Variants in MYBBP1A observed in about 807,000 individuals in gnomAD.
MYBBP1A encodes the protein myb-binding protein 1A.
Under a neutral mutation model 136.3 loss-of-function variants are expected in MYBBP1A, and 147 were observed. That is an observed-to-expected ratio of 1.08 (90% CI 0.94 to 1.24). MYBBP1A has a LOEUF of 1.24. MYBBP1A is among the 50% of genes most tolerant of loss of function. The pLI, the probability that MYBBP1A is intolerant of heterozygous loss-of-function variation, is 0.00. For synonymous variants in MYBBP1A, 947 were observed against 735.8 expected (o/e 1.29, Z -4.65); for missense variants, 2,060 against 1,727.4 (o/e 1.19, Z -3.41).
In MYBBP1A at chr17:4,552,004, G is replaced by A. The variant is rs201631635; in HGVS notation, c.906-7C>T. 1.2e-6 allele frequency: 2 copies of A among 1,606,730 alleles called. No homozygotes were observed. Among genetic ancestry groups the A allele is most frequent in the South Asian group, 1.1e-5 (1 of 90,406 alleles). On this transcript the variant is annotated splice_polypyrimidine_tract_variant and splice_region_variant and intron_variant, in intron 7 of 25. Transcript: ENST00000254718. This position sits in a 1 kb window ranked among gnomAD's most constrained non-coding sequence, Gnocchi z 4.7. ...CAGGCGGAAACACAGGTAGCTAAAG[G>A]GGGTGCAGGACAGAGCCTGGTCAGA...
chr17:4,552,601 A>T lies in MYBBP1A; in HGVS notation c.587T>A (p.Ile196Asn), dbSNP rs767362777. 1.2e-6 allele frequency: 2 copies of T among 1,613,608 alleles called. No individual in the cohort carries two copies. The highest frequency in any genetic ancestry group is 1.7e-6 in the Non-Finnish European group (2 of 1,179,900). ...SEVSKATLQE[I>N]LPEVLKADLN... ...GTCGGCTTTGAGGACCTCCGGCAGG[A>T]TCTCCTGCAATGTGGCCTTCGAGAC... The change falls in exon 6 of 26, where the codon ATC becomes AAC. Residue 196 changes from isoleucine (I) to asparagine (N), a missense_variant. Ile to Asn is a moderately radical substitution (Grantham distance 149). Transcript: ENST00000254718. The surrounding 1 kb of genome is among the most constrained non-coding windows in gnomAD (Gnocchi z 4.7).
intron 13 of MYBBP1A, among the ~76,000 whole-genome samples, chr17:4,546,596 C>T (rs1414686362): frequency 6.6e-6 from 1 of 152,194 alleles, no homozygotes; most frequent in Non-Finnish European, 1.5e-5. Context: ...CTAGATTATT[C>T]CCTCCATGCT....
rs972791750 is a variant in MYBBP1A, at chr17:4,538,968, C to T, written c.*447G>A. The T allele has an allele frequency of 6.3e-6, 5 of 789,818 alleles. No individual in the cohort carries two copies. The highest frequency in any genetic ancestry group is 1.7e-5 in the African/African-American group (1 of 59,296). 48.9% of individuals were successfully genotyped at this position (789,818 alleles called of 1,614,324 possible). The stretch of plus-strand genomic sequence containing the variant: ...TTTTTTAGAGCTGCTGATTGTGAAT[C>T]TCAGAGTCTTAAGAGAGAAGCCAAA... On this transcript the variant is annotated 3_prime_UTR_variant, in exon 26 of 26. Transcript: ENST00000254718.
chr17:4,541,544 CT>C lies in MYBBP1A; in HGVS notation c.3215del (p.Glu1072GlyfsTer30), dbSNP rs769996658. The C allele has an allele frequency of 6.2e-7, 1 of 1,613,056 alleles. No individual in the cohort carries two copies. Among genetic ancestry groups the C allele is most frequent in the Non-Finnish European group, 8.5e-7 (1 of 1,180,030 alleles). Reference protein sequence around the residue: ...KVTENLRVLGEAQTKAQHQQA... With the variant: ...KVTENLRVLGXAQTKAQHQQA... The stretch of plus-strand genomic sequence containing the variant: ...GCTGATGCTGCGCCTTGGTCTGCGC[CT>C]CCCCCAGCACGCGCAAGTTCTAGGG... On this transcript the variant is annotated frameshift_variant, in exon 24 of 26. Coordinates refer to ENST00000254718, the MANE Select transcript of MYBBP1A (RefSeq NM_014520.4). LOFTEE classifies it high-confidence loss of function.
intron 13 of MYBBP1A, among the ~76,000 whole-genome samples, chr17:4,546,363 C>T (rs1907014864): frequency 6.6e-6 from 1 of 152,222 alleles, no homozygotes; most frequent in African/African-American, 2.4e-5. Context: ...GTGATCCACC[C>T]CCTTGCCCCC....
rs1907300661 is a variant in MYBBP1A, at chr17:4,549,387, T to C, written c.1375A>G (p.Ile459Val). The change falls in exon 10 of 26, where the codon ATT becomes GTT. Residue 459 changes from isoleucine (I) to valine (V), a missense_variant. Coordinates refer to ENST00000254718, the MANE Select transcript of MYBBP1A (RefSeq NM_014520.4). The stretch of plus-strand genomic sequence containing the variant: ...ATCTCCAGGTGCAGGCTGTCCACAA[T>C]GCTCACCAATCGAAAGATGATCCAT... ...RKWIIFRLVS[I>V]VDSLHLEMEE... 1 of 1,613,194 alleles carries C rather than the reference T, an allele frequency of 6.2e-7. No individual in the cohort carries two copies. Among genetic ancestry groups the C allele is most frequent in the Non-Finnish European group, 8.5e-7 (1 of 1,179,990 alleles).
intron 18 of MYBBP1A, 28 bp from the exon 19 acceptor site, chr17:4,544,674 ACGGGGGTGGGCGCACAGGGAGG>A (rs368743844): frequency 0.026 from 34,204 of 1,293,860 alleles, 621 homozygotes; most frequent in African/African-American, 0.12. Context: ...GGTCAGCAAC[ACGGGGGTGGGCGCACAGGGAGG>A]CGGGGGTGGG....
rs1183706091 is a variant in MYBBP1A at position 4,548,882 on chromosome 17, G to A, written c.1431-233C>T. 5.3e-5 allele frequency among the ~76,000 whole-genome samples: 8 copies of A among 152,230 alleles called. No homozygotes were observed. The highest frequency in any genetic ancestry group is 1.9e-4 in the African/African-American group (8 of 41,460). On this transcript the variant is annotated intron_variant, in intron 10 of 25. Transcript: ENST00000254718. The surrounding 1 kb of genome is among the most constrained non-coding windows in gnomAD (Gnocchi z 4.2). ...TCCCCAGCTGAACGCGGGTTAACCC[G>A]AGCTAGAGAGAGTCAGTGCCCCTCT...
Position 4,555,144 on chromosome 17 carries a change from G to C in MYBBP1A, c.181C>G (p.Leu61Val), listed in dbSNP as rs767326810. Reference sequence around the variant, plus strand: ...CACTCCACCTTCGGCCTGCCACGCAGATACTCCAGCAGCTTCTCCGTGGCC... The same window carrying C: ...CACTCCACCTTCGGCCTGCCACGCACATACTCCAGCAGCTTCTCCGTGGCC... ...LAATEKLLEY[L>V]RGRPKGSEMK... The change falls in exon 1 of 26, where the codon CTG (leucine) becomes GTG (valine). Residue 61 changes from leucine to valine, a missense_variant. By Grantham distance (32) the Leu-to-Val change is conservative (BLOSUM62 1). Transcript: ENST00000254718. 7 of 1,596,718 alleles carry C rather than the reference G, an allele frequency of 4.4e-6. No homozygotes were observed. Among genetic ancestry groups the C allele is most frequent in the Non-Finnish European group, 5.1e-6 (6 of 1,171,612 alleles).
intron 24 of MYBBP1A, 26 bp downstream of exon 24, chr17:4,541,437 G>A (rs1421708673): frequency 1.6e-5 from 25 of 1,601,446 alleles, no homozygotes; most frequent in Admixed American, 3.3e-5. Context: ...ACCCGAACAC[G>A]ACCGCGGACT....
chr17:4,547,903 C>T, intron 13 of MYBBP1A, 55 bp downstream of exon 13: 1 of 1,350,908 alleles, frequency 7.4e-7, no homozygotes, highest in Non-Finnish European at 9.8e-7. Flanking sequence ...CGGTAGGGGG[C>T]CCATTGTGCC....
chr17:4,555,229 A>T lies in MYBBP1A; in HGVS notation c.96T>A (p.Ser32Arg). ...PADRYGLLKH[S>R]REFLDFFWDI... ...CCCAGAAGAAGTCCAAGAACTCGCG[A>T]CTGTGCTTCAATAGGCCATAGCGGT... The change falls in exon 1 of 26, where the codon AGT (serine) becomes AGA (arginine). Residue 32 changes from serine (S) to arginine (R), a missense_variant. Physicochemically the swap from Ser to Arg is moderately radical, Grantham distance 110. Coordinates refer to ENST00000254718, the MANE Select transcript of MYBBP1A (RefSeq NM_014520.4). 2.5e-6 allele frequency: 4 copies of T among 1,612,266 alleles called. No individual in the cohort carries two copies. Among genetic ancestry groups the T allele is most frequent in the Non-Finnish European group, 3.4e-6 (4 of 1,179,652 alleles).
rs924732103 is a variant in MYBBP1A at position 4,547,794 on chromosome 17, A to G, written c.1824+164T>C. ...CCAGCTGGTGCCGCTAAGTGGCCGG[A>G]GGGATGTTTCCACCTGTGACAAAGT... On this transcript the variant is annotated intron_variant, in intron 13 of 25. Coordinates refer to ENST00000254718, the MANE Select transcript of MYBBP1A (RefSeq NM_014520.4). 8.9e-6 allele frequency: 5 copies of G among 564,368 alleles called. No individual in the cohort carries two copies. In the African/African-American group the frequency reaches 9.5e-5, roughly 11 times the overall value. 35.0% of individuals were successfully genotyped at this position (564,368 alleles called of 1,614,324 possible).
At chr17:4,554,787 C>T (rs1198356364) in intron 2 of MYBBP1A, 74 bp downstream of exon 2, 3 of 1,445,494 alleles carry the variant, frequency 2.1e-6, no homozygotes, top group Non-Finnish European at 2.9e-6. Context: ...ACAGCTGAGA[C>T]ACCACACCCG....
At chr17:4,542,797 A>T (rs1210099347) in intron 20 of MYBBP1A, 56 bp from the exon 21 acceptor site, 110 of 1,604,248 alleles carry the variant, frequency 6.9e-5, no homozygotes, top group Non-Finnish European at 5.1e-6. Context: ...CTGGGATGGG[A>T]GCAGAGCCTG....
Position 4,547,989 on chromosome 17 carries a change from A to G in MYBBP1A, c.1793T>C (p.Leu598Pro), listed in dbSNP as rs1005004634. The change falls in exon 13 of 26, where the codon CTT (leucine) becomes CCT (proline). Residue 598 changes from leucine to proline, a missense_variant. Coordinates refer to ENST00000254718, the MANE Select transcript of MYBBP1A (RefSeq NM_014520.4). ...GAGGTGGATGCCCACGAGGAGCAGA[A>G]GGTGCTGGAAGGCAGCAGCCCTGGC... ...AEARAAAFQH[L>P]LLLVGIHLLK... 5.2e-6 allele frequency: 8 copies of G among 1,528,950 alleles called. No individual in the cohort carries two copies. Among genetic ancestry groups the G allele is most frequent in the Non-Finnish European group, 6.2e-6 (7 of 1,134,828 alleles). 94.7% of individuals were successfully genotyped at this position (1,528,950 alleles called of 1,614,324 possible). A position where few individuals can be genotyped will look rare whatever the true frequency, so the allele number is the denominator to read the frequency against.
At position 4,552,689 on chromosome 17, in the gene MYBBP1A, C is replaced by T; in HGVS notation, c.562-63G>A. 6.6e-7 allele frequency: 1 copy of T among 1,508,082 alleles called. No homozygotes were observed. The allele number at this position is 1,508,082 out of a possible 1,614,324, so 93.4% of individuals were successfully genotyped here. On this transcript the variant is annotated intron_variant, in intron 5 of 25. Coordinates refer to ENST00000254718, the MANE Select transcript of MYBBP1A (RefSeq NM_014520.4). The surrounding 1 kb of genome is among the most constrained non-coding windows in gnomAD (Gnocchi z 4.7). ...CGGGGTGAGCCTGGTGGATCCTGTT[C>T]TACCTGCTCCTGACACGGGGCCACC...
rs3816686 is a variant in MYBBP1A, at chr17:4,551,871, A to G, written c.1023+9T>C. Reference sequence around the variant, plus strand: ...TCTGGCAGTGTCGAGCTGCACGGGCATTACCCACCTTAGCAGTGCACACGT... The same window carrying G: ...TCTGGCAGTGTCGAGCTGCACGGGCGTTACCCACCTTAGCAGTGCACACGT... On this transcript the variant is annotated intron_variant, in intron 8 of 25. Coordinates refer to ENST00000254718, the MANE Select transcript of MYBBP1A (RefSeq NM_014520.4). 0.22 allele frequency: 351,741 copies of G among 1,609,522 alleles called. 43,069 individuals carry two copies. The highest frequency in any genetic ancestry group is 0.56 in the East Asian group (25,146 of 44,804).
At chr17:4,540,850 T>G (rs1052711332) in intron 24 of MYBBP1A, among the ~76,000 whole-genome samples, 1 of 150,804 alleles carries the variant, frequency 6.6e-6, no homozygotes, top group Non-Finnish European at 1.5e-5. Flanking sequence ...ACATCCTGAA[T>G]GGGTTATTGT....
Sources: allele counts gnomAD v4.1 joint callset (sites outside exome capture counted in the v4.1 genomes callset), GRCh38; gene constraint gnomAD v4.1.1; non-coding constraint Gnocchi (gnomAD v3.1); transcripts MANE v1.5; gene names NCBI Gene and HGNC (gene_info 2026-07-23, HGNC 2026-07-21).